The following ATP6V0D2 variants were observed in gnomAD, a reference collection of about 807,000 sequenced individuals.
ATP6V0D2 encodes the protein ATPase H+ transporting V0 subunit d2, also known as V-type proton ATPase subunit d 2.
A neutral mutation model predicts 40.0 loss-of-function variants in ATP6V0D2; 40 were observed. The observed-to-expected ratio is 1.00, with a 90% CI of 0.78 to 1.30. The LOEUF (loss-of-function observed/expected upper bound fraction) is 1.30. Ranked by LOEUF, ATP6V0D2 falls within the 50% of genes most tolerant of loss-of-function variation. The pLI is 0.00. For synonymous variants in ATP6V0D2, 179 were observed against 156.3 expected, an observed-to-expected ratio of 1.15 and a Z score of -1.08; for missense variants, 470 against 423.1, an observed-to-expected ratio of 1.11 and a Z score of -0.97.
At chr8:86,127,622 C>T (rs1279026276) in intron 2 of ATP6V0D2, among the ~76,000 whole-genome samples, 1 of 152,028 alleles carries the variant, frequency 6.6e-6, no homozygotes, top group Non-Finnish European at 1.5e-5. Context: ...GGCACCTTTG[C>T]CATGTTGCCC....
At chr8:86,143,020 C>A in intron 5 of ATP6V0D2, 66 bp downstream of exon 5, 2 of 1,157,808 alleles carry the variant, frequency 1.7e-6, no homozygotes, top group Non-Finnish European at 2.5e-6. Flanking sequence ...TTGTTTTAAC[C>A]TTACTTATAT....
intron 2 of ATP6V0D2, among the ~76,000 whole-genome samples, chr8:86,124,829 C>T (rs1818718569): frequency 6.6e-6 from 1 of 152,162 alleles, no homozygotes; most frequent in Non-Finnish European, 1.5e-5. Context: ...TCTGTGACTA[C>T]ATAGATCACA....
intron 5 of ATP6V0D2, among the ~76,000 whole-genome samples, chr8:86,145,000 C>CA (rs777644427): frequency 0.28 from 38,477 of 137,466 alleles, 7,422 homozygotes; most frequent in African/African-American, 0.56. Flanking sequence ...ACTAACAATA[C>CA]AAAAAAAAAA....
At chr8:86,148,601 C>T (rs1006568453) in intron 5 of ATP6V0D2, among the ~76,000 whole-genome samples, 7 of 152,130 alleles carry the variant, frequency 4.6e-5, no homozygotes, top group African/African-American at 1.7e-4. Flanking sequence ...CGGCCTGAGA[C>T]TCTGCACTTC....
chr8:86,139,385 G>T, intron 2 of ATP6V0D2, 72 bp from the exon 3 acceptor site: 1 of 1,352,960 alleles, frequency 7.4e-7, no homozygotes, highest in Non-Finnish European at 1.0e-6. Flanking sequence ...AAGAGTGTGT[G>T]TTTTTTACTT....
At chr8:86,103,658 C>A (rs1456917069) in intron 1 of ATP6V0D2, among the ~76,000 whole-genome samples, 1 of 151,966 alleles carries the variant, frequency 6.6e-6, no homozygotes, top group Non-Finnish European at 1.5e-5. Flanking sequence ...AGGATCCTAC[C>A]TGGAGAATAA....
At chr8:86,099,977 A>G (rs577603050) in intron 1 of ATP6V0D2, among the ~76,000 whole-genome samples, 98 of 151,980 alleles carry the variant, frequency 6.4e-4, no homozygotes, top group Non-Finnish European at 7.4e-4. Flanking sequence ...ATAGAATTTT[A>G]TTCTATCACA....
intron 2 of ATP6V0D2, among the ~76,000 whole-genome samples, chr8:86,135,209 G>C (rs190708043): frequency 6.6e-6 from 1 of 152,270 alleles, no homozygotes; most frequent in Non-Finnish European, 1.5e-5. Flanking sequence ...TTTTTATTCA[G>C]AGAAGAGCAA....
intron 2 of ATP6V0D2, among the ~76,000 whole-genome samples, chr8:86,136,931 G>A (rs768977598): frequency 6.6e-5 from 10 of 152,028 alleles, no homozygotes; most frequent in African/African-American, 2.2e-4. Flanking sequence ...TCTGATCTGC[G>A]ACCTTGCCTT....
chr8:86,144,165 C>G (rs887867396), intron 5 of ATP6V0D2, among the ~76,000 whole-genome samples: 8 of 152,210 alleles, frequency 5.3e-5, no homozygotes, highest in Non-Finnish European at 7.3e-5. Context: ...TAGGAGTCCT[C>G]TTGCATAAGA....
intron 6 of ATP6V0D2, 67 bp from the exon 7 acceptor site, chr8:86,151,398 GA>G: frequency 9.2e-7 from 1 of 1,084,222 alleles, no homozygotes; most frequent in South Asian, 1.7e-5. Flanking sequence ...ATAATGCTAG[GA>G]AAAATATATT....
intron 1 of ATP6V0D2, 69 bp downstream of exon 1, chr8:86,099,177 C>G (rs1258578356): frequency 7.6e-6 from 11 of 1,449,998 alleles, no homozygotes; most frequent in East Asian, 5.0e-5. Flanking sequence ...TCTCCAGAAG[C>G]ATGGAGAAAA....
intron 5 of ATP6V0D2, among the ~76,000 whole-genome samples, chr8:86,149,065 A>AAAAAAAAAAAAAAAAAAG (rs1819108515): frequency 6.7e-6 from 1 of 149,732 alleles, no homozygotes; most frequent in East Asian, 1.9e-4. Context: ...GAAAAAAAAA[A>AAAAAAAAAAAAAAAAAAG]AAAAAAAAAA....
At position 86,141,517 on chromosome 8, in the gene ATP6V0D2, T is replaced by C. The variant is rs370324456; in HGVS notation, c.549T>C (p.Asn183=). 3.3e-5 allele frequency: 53 copies of C among 1,604,578 alleles called. No homozygotes were observed. In the African/African-American group the frequency reaches 6.3e-4, roughly 19 times the overall value. ...LDELNIELLR[N]KLYKSYLEAF... ...AACTGAATATTGAATTGCTACGCAA[T>C]AAACTATACAAGGTAATGGTTTTCC... The change falls in exon 4 of 8, where the codon AAT becomes AAC. Residue 183 remains asparagine, a synonymous_variant. Coordinates refer to ENST00000285393, the MANE Select transcript of ATP6V0D2 (RefSeq NM_152565.1).
intron 2 of ATP6V0D2, among the ~76,000 whole-genome samples, chr8:86,128,988 T>G (rs1254353227): frequency 2.0e-5 from 3 of 152,224 alleles, no homozygotes; most frequent in Non-Finnish European, 2.9e-5. Flanking sequence ...TCAACTAAAC[T>G]TTTCAAATGT....
At chr8:86,104,088 A>G (rs959593616) in intron 1 of ATP6V0D2, among the ~76,000 whole-genome samples, 2 of 152,108 alleles carry the variant, frequency 1.3e-5, no homozygotes, top group Non-Finnish European at 2.9e-5. Context: ...TCAGCCTCCC[A>G]AAGTGCTGGG....
chr8:86,125,348 G>T (rs534792550), intron 2 of ATP6V0D2, among the ~76,000 whole-genome samples: 69 of 152,262 alleles, frequency 4.5e-4, no homozygotes, highest in African/African-American at 1.7e-3. Flanking sequence ...TAGTTTAAGA[G>T]ATTTGAGACT....
intron 2 of ATP6V0D2, among the ~76,000 whole-genome samples, chr8:86,116,078 A>G (rs1818588621): frequency 6.6e-6 from 1 of 152,340 alleles, no homozygotes; most frequent in South Asian, 2.1e-4. Flanking sequence ...ATCTTTAAGA[A>G]AAAAAGAAAA....
At chr8:86,152,761 T>C in intron 7 of ATP6V0D2, 55 bp from the exon 8 acceptor site, 2 of 1,515,026 alleles carry the variant, frequency 1.3e-6, no homozygotes, top group Admixed American at 4.3e-5. Context: ...CTTAATATTA[T>C]TCCATAATGT....
Sources: gnomAD v4.1 joint callset for allele counts (sites outside exome capture counted in the v4.1 genomes callset) on GRCh38, gnomAD v4.1.1 for gene constraint, MANE v1.5 for transcripts, NCBI Gene and HGNC (gene_info 2026-07-23, HGNC 2026-07-21) for gene names.